MYH15: variants seen among roughly 807,000 people sequenced by gnomAD.
The protein encoded by MYH15 is myosin-15.
Under a neutral mutation model 240.5 loss-of-function variants are expected in MYH15, and 227 were observed. The observed-to-expected ratio is 0.94, with a 90% confidence interval of 0.85 to 1.05. The LOEUF (loss-of-function observed/expected upper bound fraction) is 1.05, where lower values mean the gene tolerates loss of function less well. Among genes scored for constraint, MYH15 ranks in the 50% least tolerant of loss-of-function variants. MYH15 has a pLI of 0.00. For synonymous variants in MYH15, 785 were observed against 796.7 expected (o/e 0.99, Z 0.25); for missense variants, 2,217 against 2,247.5 (o/e 0.99, Z 0.27).
rs767992792 is a variant in MYH15, at chr3:108,500,075, G to A, written c.496+43C>T. On this transcript the variant is annotated intron_variant, in intron 4 of 40. Transcript: ENST00000693548. ...CTCTTAGGGACATAGAGAAAAAGTA[G>A]ATCAGATATTTTTACTTTTCATTTT... 9 of 1,590,322 alleles carry A rather than the reference G, an allele frequency of 5.7e-6. No homozygotes were observed. The East Asian group carries it at 2.0e-4, about 36-fold the overall frequency.
chr3:108,398,392 A>G (rs1029033226), intron 35 of MYH15, among the ~76,000 whole-genome samples: 1 of 152,184 alleles, frequency 6.6e-6, no homozygotes, highest in Non-Finnish European at 1.5e-5. Flanking sequence ...CAGGCTTCCA[A>G]CCTCCAGGAA....
At position 108,408,329 on chromosome 3, in the gene MYH15, A is replaced by G. The variant is rs1195459776; in HGVS notation, c.4571T>C (p.Leu1524Pro). 3 of 1,613,404 alleles carry G rather than the reference A, an allele frequency of 1.9e-6. No individual in the cohort carries two copies. The African/African-American group carries it at 4.0e-5, about 22-fold the overall frequency. ...NLTEMEKVKK[L>P]IEEEKTEVQV... Reference sequence around the variant, plus strand: ...GACTTCTGTCTTCTCTTCTTCAATTAGTTTCTTGACCTTTTCCATTTCAGT... The same window carrying G: ...GACTTCTGTCTTCTCTTCTTCAATTGGTTTCTTGACCTTTTCCATTTCAGT... Residue 1524 changes from leucine to proline, a missense_variant, in exon 32 of 41, where the codon CTA (leucine) becomes CCA (proline). Leu to Pro is a moderately conservative substitution (Grantham distance 98). Transcript: ENST00000693548.
intron 1 of MYH15, among the ~76,000 whole-genome samples, chr3:108,527,820 T>C (rs2083684240): frequency 2.6e-5 from 4 of 152,234 alleles, no homozygotes; most frequent in Admixed American, 2.6e-4. Flanking sequence ...GCTATAGTTT[T>C]CTCATCTATA....
chr3:108,383,839 T>C, intron 39 of MYH15, 110 bp from the exon 40 acceptor site: 1 of 877,052 alleles, frequency 1.1e-6, no homozygotes, highest in South Asian at 2.2e-5. Flanking sequence ...AATCTAAACT[T>C]CTGAGTATTG....
At chr3:108,446,246 G>A (rs934022059) in intron 21 of MYH15, among the ~76,000 whole-genome samples, 4 of 152,078 alleles carry the variant, frequency 2.6e-5, no homozygotes, top group African/African-American at 4.8e-5. Flanking sequence ...CACTACCATG[G>A]ACTTAGACAC....
At position 108,381,537 on chromosome 3, in the gene MYH15, A is replaced by G; in HGVS notation, c.*8T>C. ...TCTCCAGCTGTTGTCCTTTCAAAGC[A>G]GGGGATGCTATTCTTCTTGAACCTG... On this transcript the variant is annotated 3_prime_UTR_variant, in exon 41 of 41. Coordinates refer to ENST00000693548, the MANE Select transcript of MYH15 (RefSeq NM_014981.3). 1 of 1,613,854 alleles carries G rather than the reference A, an allele frequency of 6.2e-7. No individual in the cohort carries two copies. The highest frequency in any genetic ancestry group is 8.5e-7 in the Non-Finnish European group (1 of 1,179,738).
rs749153098 is a variant in MYH15, at chr3:108,394,150, T to C, written c.5140A>G (p.Ser1714Gly). The change falls in exon 36 of 41, where the codon AGC becomes GGC. Residue 1714 changes from serine (S) to glycine (G), a missense_variant. Transcript: ENST00000693548. ...RINLFYTQNT[S>G]LLSQKKKLEA... Reference sequence around the variant, plus strand: ...AGTTTCTTCTTCTGGCTGAGGAGGCTTGTGTTCTAAAGAAAAGCAGCATTC... The same window carrying C: ...AGTTTCTTCTTCTGGCTGAGGAGGCCTGTGTTCTAAAGAAAAGCAGCATTC... 9.3e-6 allele frequency: 15 copies of C among 1,613,880 alleles called. No individual in the cohort carries two copies. The highest frequency in any genetic ancestry group is 1.6e-4 in the Middle Eastern group (1 of 6,080).
At chr3:108,511,295 C>T (rs895459006), upstream of MYH15, among the ~76,000 whole-genome samples, 1 of 152,124 alleles carries the variant, frequency 6.6e-6, no homozygotes, top group African/African-American at 2.4e-5. Context: ...TACAAAAATA[C>T]AGGCACAGCT....
chr3:108,453,938 A>G, intron 21 of MYH15, 68 bp downstream of exon 21: 1 of 1,485,562 alleles, frequency 6.7e-7, no homozygotes, highest in Admixed American at 1.8e-5. Flanking sequence ...TAAGGCAATG[A>G]GATTAGTTGC....
intron 21 of MYH15, among the ~76,000 whole-genome samples, chr3:108,449,123 G>A (rs952531017): frequency 1.3e-5 from 2 of 151,982 alleles, no homozygotes; most frequent in African/African-American, 4.8e-5. Context: ...AATATCTTGT[G>A]TTCATGAATT....
chr3:108,477,720 T>A (rs187641286), intron 11 of MYH15, among the ~76,000 whole-genome samples: 13 of 152,082 alleles, frequency 8.5e-5, no homozygotes, highest in African/African-American at 2.9e-4. Context: ...CCCGGCAAGG[T>A]CTCTGTTTGC....
chr3:108,501,107 T>C (rs1027918305), intron 3 of MYH15, among the ~76,000 whole-genome samples: 1 of 152,208 alleles, frequency 6.6e-6, no homozygotes, highest in African/African-American at 2.4e-5. Flanking sequence ...GGGAAACTAA[T>C]ACAGTTACAT....
Position 108,389,046 on chromosome 3 carries a change from C to T in MYH15, c.5459G>A (p.Gly1820Asp), listed in dbSNP as rs2082404680. 1 of 1,613,984 alleles carries T rather than the reference C, an allele frequency of 6.2e-7. No individual in the cohort carries two copies. Among genetic ancestry groups the T allele is most frequent in the Non-Finnish European group, 8.5e-7 (1 of 1,179,918 alleles). ...RVRELEGELE[G>D]EIRRSAEAQR... is the part of the protein sequence containing the mutation. The stretch of plus-strand genomic sequence containing the variant: ...GGCCTCTGCACTGCGACGGATTTCA[C>T]CCTCCAGTTCACCTTCCAGTTCACG... Residue 1820 changes from glycine to aspartate, a missense_variant, in exon 38 of 41, where the codon GGT becomes GAT. Gly to Asp is a moderately conservative substitution (Grantham distance 94, BLOSUM62 -1). Transcript: ENST00000693548.
chr3:108,547,529 G>A, the MYH15 span, among the ~76,000 whole-genome samples: 1 of 140,422 alleles, frequency 7.1e-6, no homozygotes, highest in African/African-American at 2.6e-5. Flanking sequence ...AAAAGTTCTT[G>A]TAGTTAAAAA....
chr3:108,459,468 T>G lies in MYH15; in HGVS notation c.1933-19A>C, dbSNP rs2083053172. 6.6e-7 allele frequency: 1 copy of G among 1,513,522 alleles called. No individual in the cohort carries two copies. Among genetic ancestry groups the G allele is most frequent in the East Asian group, 2.3e-5 (1 of 43,448 alleles). The allele number at this position is 1,513,522 out of a possible 1,614,324, so 93.8% of individuals were successfully genotyped here. ...GGTTTTCCTAAAATGGAGACCATAA[T>G]AAACACAAAATCACTTTGCAAATCA... is the stretch of plus-strand genomic sequence containing the variant. On this transcript the variant is annotated intron_variant, in intron 17 of 40. Coordinates refer to ENST00000693548, the MANE Select transcript of MYH15 (RefSeq NM_014981.3).
intron 15 of MYH15, among the ~76,000 whole-genome samples, chr3:108,464,006 T>TTTACA (rs2083093135): frequency 6.6e-6 from 1 of 152,134 alleles, no homozygotes; most frequent in Non-Finnish European, 1.5e-5. Context: ...GTATATATCA[T>TTTACA]TATAATTAAT....
intron 30 of MYH15, 106 bp from the exon 31 acceptor site, chr3:108,411,038 G>A (rs115872140): frequency 0.02 from 18,193 of 923,968 alleles, 268 homozygotes; most frequent in Non-Finnish European, 0.026. Context: ...GTAAGATGGC[G>A]CCTCTGCAGT....
intron 25 of MYH15, among the ~76,000 whole-genome samples, chr3:108,431,131 T>C (rs187633892): frequency 6.2e-4 from 95 of 152,270 alleles, no homozygotes; most frequent in Admixed American, 4.8e-3. Context: ...TATATATCAA[T>C]AAAAAAACAC....
At chr3:108,407,200 T>C (rs935162321) in intron 32 of MYH15, among the ~76,000 whole-genome samples, 2 of 152,204 alleles carry the variant, frequency 1.3e-5, no homozygotes, top group African/African-American at 4.8e-5. Flanking sequence ...CTTGGAAGTT[T>C]CTTCTGGAAT....
Sources: gnomAD v4.1 joint callset for allele counts (sites outside exome capture counted in the v4.1 genomes callset) on GRCh38, gnomAD v4.1.1 for gene constraint, MANE v1.5 for transcripts, NCBI Gene and HGNC (gene_info 2026-07-23, HGNC 2026-07-21) for gene names.